MDGA2: variants seen among roughly 807,000 people sequenced by gnomAD.
MDGA2 encodes MAM domain containing glycosylphosphatidylinositol anchor 2, also known as MAM domain-containing glycosylphosphatidylinositol anchor protein 2.
In MDGA2, 40 loss-of-function variants were observed where a neutral mutation model predicts 117.8. The observed-to-expected ratio is 0.34, with a 90% CI of 0.26 to 0.44. MDGA2 has a LOEUF of 0.44. Ranked by LOEUF, MDGA2 falls within the 20% of genes least tolerant of loss-of-function variation. MDGA2 has a pLI of 1.00. For missense variants in MDGA2, 1,123 were observed against 1,250.6 expected, an observed-to-expected ratio of 0.90 and a Z score of 1.54; for synonymous variants, 452 against 439.0, an observed-to-expected ratio of 1.03 and a Z score of -0.37.
At chr14:47,118,362 C>T (rs545323105) in intron 5 of MDGA2, among the ~76,000 whole-genome samples, 3 of 152,164 alleles carry the variant, frequency 2.0e-5, no homozygotes, top group South Asian at 2.1e-4. Context: ...TTGAATATTG[C>T]TTAAAGAAAT....
At chr14:46,878,716 G>T (rs545854036) in intron 11 of MDGA2, among the ~76,000 whole-genome samples, 1 of 151,842 alleles carries the variant, frequency 6.6e-6, no homozygotes, top group African/African-American at 2.4e-5. Context: ...TAATTTTTTG[G>T]CAAGATATCC....
intron 8 of MDGA2, among the ~76,000 whole-genome samples, chr14:46,965,801 T>C (rs533536397): frequency 3.3e-5 from 5 of 152,332 alleles, no homozygotes; most frequent in South Asian, 2.1e-4. Context: ...ACTATTGTGA[T>C]AGAATCAGTT....
intron 1 of MDGA2, among the ~76,000 whole-genome samples, chr14:47,671,263 A>G (rs1358697972): frequency 6.6e-6 from 1 of 152,204 alleles, no homozygotes; most frequent in African/African-American, 2.4e-5. Flanking sequence ...CTAGGTCTAT[A>G]GCAGAAACTT....
Position 47,142,399 on chromosome 14 carries a change from T to C in MDGA2, c.792+1679A>G, listed in dbSNP as rs537984263. Reference sequence around the variant, plus strand: ...CAGAAGTTGCAGTGAGTGGAGATCATGCCACTGCACTCCAGCCCAGGTGAC... The same window carrying C: ...CAGAAGTTGCAGTGAGTGGAGATCACGCCACTGCACTCCAGCCCAGGTGAC... On this transcript the variant is annotated intron_variant, in intron 4 of 16. Transcript: ENST00000399232. Among the ~76,000 whole-genome samples the C allele has an allele frequency of 3.9e-5, 6 of 152,112 alleles. 1 individual carries two copies. The highest frequency in any genetic ancestry group is 1.2e-4 in the African/African-American group (5 of 41,494).
At chr14:47,651,112 C>T (rs571159274) in intron 1 of MDGA2, among the ~76,000 whole-genome samples, 5 of 151,914 alleles carry the variant, frequency 3.3e-5, no homozygotes, top group Admixed American at 3.3e-4. Flanking sequence ...GTTAACTAGC[C>T]TATGGTAAAG....
intron 14 of MDGA2, among the ~76,000 whole-genome samples, chr14:46,866,521 C>A (rs944735613): frequency 3.9e-5 from 6 of 151,938 alleles, no homozygotes; most frequent in Admixed American, 6.6e-5. Flanking sequence ...CAATGGCAAC[C>A]AAAGCCAAAA....
At chr14:47,546,326 G>A (rs1386875461) in intron 1 of MDGA2, among the ~76,000 whole-genome samples, 1 of 152,086 alleles carries the variant, frequency 6.6e-6, no homozygotes, top group Non-Finnish European at 1.5e-5. Context: ...AAGGAGTCCT[G>A]CTGGAAAACA....
At chr14:46,967,958 G>C (rs569099844) in intron 8 of MDGA2, among the ~76,000 whole-genome samples, 83 of 151,862 alleles carry the variant, frequency 5.5e-4, no homozygotes, top group Non-Finnish European at 1.1e-3. Flanking sequence ...GAAAGAGTGA[G>C]TGACTGACCC....
chr14:47,173,974 C>G (rs1303874793), intron 3 of MDGA2, among the ~76,000 whole-genome samples: 8 of 151,598 alleles, frequency 5.3e-5, no homozygotes, highest in Non-Finnish European at 7.4e-5. Context: ...AAATGGAAAA[C>G]AAAAAAAGGC....
intron 1 of MDGA2, among the ~76,000 whole-genome samples, chr14:47,415,161 C>G (rs1877806083): frequency 6.6e-6 from 1 of 151,980 alleles, no homozygotes; most frequent in Admixed American, 6.6e-5. Flanking sequence ...ATATCAGTAA[C>G]CCTTTTGTAC....
chr14:47,611,315 A>C (rs1896844040), intron 1 of MDGA2, among the ~76,000 whole-genome samples: 1 of 152,178 alleles, frequency 6.6e-6, no homozygotes, highest in Non-Finnish European at 1.5e-5. Flanking sequence ...TTTCATGACC[A>C]AGAACCCAAA....
intron 2 of MDGA2, among the ~76,000 whole-genome samples, chr14:47,253,540 G>T (rs1190904490): frequency 2.0e-5 from 3 of 152,256 alleles, no homozygotes; most frequent in African/African-American, 4.8e-5. Context: ...AGGGCATGCT[G>T]ATGCAAGAGG....
intron 3 of MDGA2, among the ~76,000 whole-genome samples, chr14:47,170,492 C>T (rs1274975289): frequency 6.6e-6 from 1 of 152,076 alleles, no homozygotes; most frequent in Non-Finnish European, 1.5e-5. Flanking sequence ...TGAGAAACTA[C>T]TCACCTGCTA....
chr14:47,190,745 G>C (rs2139403961), intron 3 of MDGA2, among the ~76,000 whole-genome samples: 1 of 152,096 alleles, frequency 6.6e-6, no homozygotes, highest in East Asian at 1.9e-4. Flanking sequence ...ATTTCCAGGA[G>C]GGGAAAAAAG....
At chr14:47,035,565 A>T (rs1355077783) in intron 7 of MDGA2, among the ~76,000 whole-genome samples, 1 of 152,206 alleles carries the variant, frequency 6.6e-6, no homozygotes, top group Non-Finnish European at 1.5e-5. Flanking sequence ...TATAAGAATA[A>T]TCTTCTCAAT....
intron 1 of MDGA2, among the ~76,000 whole-genome samples, chr14:47,355,035 T>C (rs1890963159): frequency 6.6e-6 from 1 of 152,048 alleles, no homozygotes; most frequent in Non-Finnish European, 1.5e-5. Flanking sequence ...TTTTCAGATA[T>C]GTTTTTAAAA....
chr14:46,938,641 G>C (rs1247614183), intron 9 of MDGA2, among the ~76,000 whole-genome samples: 1 of 151,306 alleles, frequency 6.6e-6, no homozygotes, highest in Admixed American at 6.6e-5. Flanking sequence ...TTGCAAGAAA[G>C]GGGAACTCAA....
intron 2 of MDGA2, among the ~76,000 whole-genome samples, chr14:47,269,252 G>A (rs922659719): frequency 4.4e-4 from 67 of 152,068 alleles, no homozygotes; most frequent in African/African-American, 1.5e-3. Context: ...TTATAAAAGG[G>A]AAGCTATAGG....
chr14:47,370,728 T>C (rs1025687150), intron 1 of MDGA2, among the ~76,000 whole-genome samples: 2 of 151,492 alleles, frequency 1.3e-5, no homozygotes, highest in African/African-American at 4.8e-5. Context: ...ATCCTCTCTG[T>C]AAACCACCCC....
Sources: gnomAD v4.1 joint callset for allele counts (sites outside exome capture counted in the v4.1 genomes callset) on GRCh38, gnomAD v4.1.1 for gene constraint, MANE v1.5 for transcripts, NCBI Gene and HGNC (gene_info 2026-07-23, HGNC 2026-07-21) for gene names.